BNC2: variants seen among roughly 807,000 people sequenced by gnomAD.
The protein encoded by BNC2 is basonuclin zinc finger protein 2.
In BNC2, 20 loss-of-function variants were observed where a neutral mutation model predicts 76.3. The observed-to-expected ratio is 0.26, with a 90% CI of 0.18 to 0.38. The LOEUF is 0.38. BNC2 is among the 10% of genes least tolerant of loss of function. The pLI is 1.00. For synonymous variants in BNC2, 582 were observed against 514.8 expected (o/e 1.13, Z -1.77); for missense variants, 1,382 against 1,399.8 (o/e 0.99, Z 0.20).
chr9:16,580,614 T>A (rs1376905302), intron 4 of BNC2, among the ~76,000 whole-genome samples: 1 of 152,190 alleles, frequency 6.6e-6, no homozygotes, highest in Non-Finnish European at 1.5e-5. Context: ...ATTACTAATG[T>A]AATATGCACA....
chr9:16,738,772 A>G (rs1317509197), intron 1 of BNC2, among the ~76,000 whole-genome samples: 1 of 152,010 alleles, frequency 6.6e-6, no homozygotes, highest in Non-Finnish European at 1.5e-5. Flanking sequence ...TCCACTTAAT[A>G]TGACACTTTT....
chr9:16,606,516 C>A (rs183386362), intron 3 of BNC2, among the ~76,000 whole-genome samples: 3 of 151,392 alleles, frequency 2.0e-5, no homozygotes, highest in East Asian at 1.9e-4. Flanking sequence ...ATGGGTCTCA[C>A]AAGATCTGAT....
intron 3 of BNC2, among the ~76,000 whole-genome samples, chr9:16,673,208 T>A: frequency 6.6e-6 from 1 of 152,250 alleles, no homozygotes; most frequent in African/African-American, 2.4e-5. Flanking sequence ...GAGAAAAACC[T>A]TTGTTTATTC....
At position 16,832,424 on chromosome 9, in the gene BNC2, T is replaced by C. The variant is rs187777911; in HGVS notation, c.3+38222A>G. The C allele has an allele frequency of 1.3e-5, 7 of 522,512 alleles. No homozygotes were observed. The Admixed American group carries it at 3.4e-4, about 25-fold the overall frequency. The allele number at this position is 522,512 out of a possible 1,614,324, so 32.4% of individuals were successfully genotyped here. A position where few individuals can be genotyped will look rare whatever the true frequency, so the allele number is the denominator to read the frequency against. On this transcript the variant is annotated intron_variant, in intron 1 of 6. Coordinates refer to ENST00000380672, the MANE Select transcript of BNC2 (RefSeq NM_017637.6). ...CCTAGAAGAGTTCCTTTCAAGAACA[T>C]AGCTACAAGACTTGATCTGCTTACT...
chr9:16,650,853 G>A (rs766014180), intron 3 of BNC2, among the ~76,000 whole-genome samples: 8 of 152,034 alleles, frequency 5.3e-5, no homozygotes, highest in Non-Finnish European at 8.8e-5. Context: ...AAAATTATAG[G>A]TCCACAAAGT....
chr9:16,608,594 C>A (rs1009643460), intron 3 of BNC2, among the ~76,000 whole-genome samples: 1 of 152,136 alleles, frequency 6.6e-6, no homozygotes, highest in Non-Finnish European at 1.5e-5. Flanking sequence ...CAGCCTTGAA[C>A]TCCTGGGCTC....
chr9:16,496,018 C>G (rs1822381570), intron 5 of BNC2, among the ~76,000 whole-genome samples: 1 of 151,386 alleles, frequency 6.6e-6, no homozygotes, highest in South Asian at 2.1e-4. Flanking sequence ...AAGTGATTCT[C>G]CTGCCTCAGC....
chr9:16,651,181 GT>G (rs2133948909), intron 3 of BNC2, among the ~76,000 whole-genome samples: 1 of 152,276 alleles, frequency 6.6e-6, no homozygotes, highest in African/African-American at 2.4e-5. Flanking sequence ...AAAAGAGACC[GT>G]TACGATGTTG....
At chr9:16,596,713 A>G (rs984340624) in intron 3 of BNC2, among the ~76,000 whole-genome samples, 10 of 152,276 alleles carry the variant, frequency 6.6e-5, no homozygotes, top group South Asian at 2.1e-4. Context: ...GCATTTTCAG[A>G]TAACTGCAAC....
At chr9:16,614,477 T>C (rs1820639492) in intron 3 of BNC2, among the ~76,000 whole-genome samples, 1 of 124,350 alleles carries the variant, frequency 8.0e-6, no homozygotes, top group Non-Finnish European at 1.8e-5. Context: ...AAAAAAAAAA[T>C]CCAAAAAACT....
chr9:16,639,173 A>G (rs1002730791), intron 3 of BNC2, among the ~76,000 whole-genome samples: 4 of 152,172 alleles, frequency 2.6e-5, no homozygotes, highest in African/African-American at 9.7e-5. Flanking sequence ...GAAGTTAATA[A>G]AGTATTCTTG....
chr9:16,447,946 G>C (rs1380386615), intron 5 of BNC2, among the ~76,000 whole-genome samples: 1 of 152,078 alleles, frequency 6.6e-6, no homozygotes, highest in Non-Finnish European at 1.5e-5. Context: ...AACTAGTGGA[G>C]ATTCTAGAGG....
chr9:16,754,670 G>T (rs373483823), intron 1 of BNC2, among the ~76,000 whole-genome samples: 67 of 152,072 alleles, frequency 4.4e-4, no homozygotes, highest in African/African-American at 1.6e-3. Flanking sequence ...CGATTCTCCT[G>T]CCTCAGCCTC....
At chr9:16,763,665 G>A (rs1825614939) in intron 1 of BNC2, among the ~76,000 whole-genome samples, 1 of 152,164 alleles carries the variant, frequency 6.6e-6, no homozygotes, top group Admixed American at 6.5e-5. Context: ...GGGGTCAAGA[G>A]GGAGAACCCA....
intron 1 of BNC2, among the ~76,000 whole-genome samples, chr9:16,741,559 C>A (rs1301604507): frequency 6.6e-6 from 1 of 152,124 alleles, no homozygotes; most frequent in Non-Finnish European, 1.5e-5. Context: ...AATAAACAAG[C>A]TGACTGGGTC....
intron 5 of BNC2, among the ~76,000 whole-genome samples, chr9:16,527,792 C>G (rs1817856327): frequency 6.6e-6 from 1 of 152,182 alleles, no homozygotes; most frequent in African/African-American, 2.4e-5. Flanking sequence ...CTGAGTTATT[C>G]AAGCACGAAC....
rs756039178 is a variant in BNC2, at chr9:16,435,601, C to T, written c.2593G>A (p.Val865Met). The change falls in exon 6 of 7, where the codon GTG (valine) becomes ATG (methionine). Residue 865 changes from valine (V) to methionine (M), a missense_variant. This residue lies in a region of BNC2 where 798 missense variants were observed against 775.5 expected (regional missense o/e 1.03). Transcript: ENST00000380672. ...GGGAATGCAGCATTGCAACCAGCCA[C>T]TGTGCAGACGTGCATCTCTTTCAAG... ...VHLKEMHVCT[V>M]AGCNAAFPSR... 1 of 1,614,188 alleles carries T rather than the reference C, an allele frequency of 6.2e-7. No individual in the cohort carries two copies. Among genetic ancestry groups the T allele is most frequent in the Non-Finnish European group, 8.5e-7 (1 of 1,180,036 alleles).
rs1463084146 is a variant in BNC2, at chr9:16,587,265, G to A, written c.331-4180C>T. Among the ~76,000 whole-genome samples, 3 of 149,370 alleles carry A rather than the reference G, an allele frequency of 2.0e-5. No individual in the cohort carries two copies. In the East Asian group the frequency reaches 6.0e-4, roughly 30 times the overall value. On this transcript the variant is annotated intron_variant, in intron 3 of 6. Coordinates refer to ENST00000380672, the MANE Select transcript of BNC2 (RefSeq NM_017637.6). ...GTCTAGCTCTGTCACCCAGGCTGGAGTACAGTGGTGAGATCATGGCTCACT... is the reference window on the plus strand; with the variant it reads ...GTCTAGCTCTGTCACCCAGGCTGGAATACAGTGGTGAGATCATGGCTCACT...
At chr9:16,768,143 T>A (rs550187076) in intron 1 of BNC2, among the ~76,000 whole-genome samples, 2 of 152,102 alleles carry the variant, frequency 1.3e-5, no homozygotes, top group East Asian at 1.9e-4. Flanking sequence ...TTTTTGTATT[T>A]TTAGTAAAGT....
Sources: allele counts gnomAD v4.1 joint callset (sites outside exome capture counted in the v4.1 genomes callset), GRCh38; gene constraint gnomAD v4.1.1; regional missense constraint gnomAD v4.1.1; transcripts MANE v1.5; gene names NCBI Gene and HGNC (gene_info 2026-07-23, HGNC 2026-07-21).